GRM5: variants seen among roughly 807,000 people sequenced by gnomAD.
GRM5 encodes metabotropic glutamate receptor 5.
Under a neutral mutation model 83.1 loss-of-function variants are expected in GRM5, and 19 were observed. That is an observed-to-expected ratio of 0.23 (90% confidence interval 0.16 to 0.34). GRM5 has a LOEUF of 0.34. Ranked by LOEUF, GRM5 falls within the 10% of genes least tolerant of loss-of-function variation. The pLI is 1.00. For missense variants in GRM5, 1,160 were observed against 1,588.3 expected (o/e 0.73, Z 4.58); for synonymous variants, 675 against 633.6 (o/e 1.07, Z -0.98).
intron 8 of GRM5, among the ~76,000 whole-genome samples, chr11:88,537,890 T>A (rs1942171810): frequency 6.6e-6 from 1 of 151,992 alleles, no homozygotes; most frequent in South Asian, 2.1e-4. Flanking sequence ...ATTTGAGAAA[T>A]TGCCAGGTAA....
chr11:88,553,087 A>G (rs1942548281), intron 8 of GRM5, among the ~76,000 whole-genome samples: 1 of 152,170 alleles, frequency 6.6e-6, no homozygotes, highest in African/African-American at 2.4e-5. Context: ...TTTCTCAAGT[A>G]CCATCGGACA....
chr11:88,699,119 G>A (rs989565392), intron 3 of GRM5, among the ~76,000 whole-genome samples: 5 of 151,806 alleles, frequency 3.3e-5, no homozygotes, highest in African/African-American at 4.8e-5. Context: ...AAAAAAAACC[G>A]AGTTATTCTC....
At chr11:88,657,423 C>T (rs1045875019) in intron 3 of GRM5, among the ~76,000 whole-genome samples, 8 of 152,098 alleles carry the variant, frequency 5.3e-5, no homozygotes, top group South Asian at 2.1e-4. Context: ...CTTAGCTTGG[C>T]TTAACTAAAG....
chr11:88,835,954 C>A (rs1565254176), intron 3 of GRM5, among the ~76,000 whole-genome samples: 1 of 152,122 alleles, frequency 6.6e-6, no homozygotes, highest in African/African-American at 2.4e-5. Flanking sequence ...AGAATCACGG[C>A]ATTCAAGCCT....
intron 3 of GRM5, among the ~76,000 whole-genome samples, chr11:88,757,091 A>AT (rs1427666013): frequency 6.6e-6 from 1 of 152,138 alleles, no homozygotes; most frequent in African/African-American, 2.4e-5. Context: ...ATATGAACAG[A>AT]TTTTTCCTCC....
chr11:88,886,346 A>G (rs1231061398), intron 2 of GRM5, among the ~76,000 whole-genome samples: 2 of 152,186 alleles, frequency 1.3e-5, no homozygotes, highest in African/African-American at 2.4e-5. Context: ...ATTCATCGAG[A>G]TGGTGAGTAG....
intron 8 of GRM5, among the ~76,000 whole-genome samples, chr11:88,533,239 CT>C (rs2135120116): frequency 6.6e-6 from 1 of 152,302 alleles, no homozygotes; most frequent in Admixed American, 6.5e-5. Flanking sequence ...CTTTTTCTCC[CT>C]TGCTCACATT....
At chr11:88,800,722 T>C (rs1055185736) in intron 3 of GRM5, among the ~76,000 whole-genome samples, 2 of 152,150 alleles carry the variant, frequency 1.3e-5, no homozygotes, top group Admixed American at 6.6e-5. Context: ...AAGTCCCTCC[T>C]CTATCAGTTC....
At chr11:88,873,330 A>T (rs1429296476) in intron 2 of GRM5, among the ~76,000 whole-genome samples, 1 of 151,650 alleles carries the variant, frequency 6.6e-6, no homozygotes, top group Non-Finnish European at 1.5e-5. Flanking sequence ...TAGTTTATTT[A>T]CATAGTTAAG....
At chr11:88,907,794 C>T (rs1425327526) in intron 2 of GRM5, among the ~76,000 whole-genome samples, 1 of 152,006 alleles carries the variant, frequency 6.6e-6, no homozygotes, top group Non-Finnish European at 1.5e-5. Flanking sequence ...CAGAAATGTT[C>T]CTCAGAATTA....
At chr11:89,049,955 A>G (rs934353557) in intron 1 of GRM5, among the ~76,000 whole-genome samples, 3 of 152,216 alleles carry the variant, frequency 2.0e-5, no homozygotes, top group Non-Finnish European at 4.4e-5. Context: ...AGTTAAAGAA[A>G]GCACAATTTC....
chr11:88,808,508 T>C (rs966978899), intron 3 of GRM5, among the ~76,000 whole-genome samples: 12 of 152,010 alleles, frequency 7.9e-5, no homozygotes, highest in Non-Finnish European at 1.3e-4. Flanking sequence ...TGGATCTTTA[T>C]AGTTAAATAG....
At chr11:88,915,648 C>T (rs555874500) in intron 2 of GRM5, among the ~76,000 whole-genome samples, 4 of 152,030 alleles carry the variant, frequency 2.6e-5, no homozygotes, top group Non-Finnish European at 5.9e-5. Flanking sequence ...ATGTGACAGG[C>T]TTTTGGACCT....
At chr11:88,774,557 G>A (rs1942807846) in intron 3 of GRM5, among the ~76,000 whole-genome samples, 1 of 152,296 alleles carries the variant, frequency 6.6e-6, no homozygotes, top group South Asian at 2.1e-4. Flanking sequence ...TACAGTTTTT[G>A]CTCATTCAGT....
At chr11:88,859,610 G>A (rs768545534) in intron 2 of GRM5, among the ~76,000 whole-genome samples, 15 of 152,064 alleles carry the variant, frequency 9.9e-5, no homozygotes, top group Non-Finnish European at 1.9e-4. Context: ...GTAAATAGAA[G>A]AGCTGAAATT....
chr11:88,699,859 G>A (rs1940987994), intron 3 of GRM5, among the ~76,000 whole-genome samples: 2 of 152,164 alleles, frequency 1.3e-5, no homozygotes, highest in Admixed American at 1.3e-4. Flanking sequence ...CCTATGACTC[G>A]ATGTCAGAGG....
At chr11:88,779,464 G>A (rs767533274) in intron 3 of GRM5, among the ~76,000 whole-genome samples, 6 of 152,134 alleles carry the variant, frequency 3.9e-5, no homozygotes, top group Admixed American at 6.5e-5. Flanking sequence ...GAGCACCGTC[G>A]AGTCTAGATA....
intron 3 of GRM5, among the ~76,000 whole-genome samples, chr11:88,656,006 G>T (rs1939759600): frequency 6.6e-6 from 1 of 152,040 alleles, no homozygotes; most frequent in South Asian, 2.1e-4. Context: ...ATGCTTTTAA[G>T]ATTTGCATTA....
chr11:89,000,071 C>T (rs1940322037), intron 2 of GRM5, among the ~76,000 whole-genome samples: 1 of 152,016 alleles, frequency 6.6e-6, no homozygotes, highest in Admixed American at 6.5e-5. Flanking sequence ...GGGAACATCA[C>T]ACACTGGGGC....
Sources: gnomAD v4.1 joint callset for allele counts (sites outside exome capture counted in the v4.1 genomes callset) on GRCh38, gnomAD v4.1.1 for gene constraint, MANE v1.5 for transcripts, NCBI Gene and HGNC (gene_info 2026-07-23, HGNC 2026-07-21) for gene names.